FAM135A: variants seen among roughly 807,000 people sequenced by gnomAD.
The protein encoded by FAM135A is protein FAM135A.
In FAM135A, 79 loss-of-function variants were observed where a neutral mutation model predicts 146.8. That is an observed-to-expected ratio of 0.54 (90% CI 0.45 to 0.65). The LOEUF (loss-of-function observed/expected upper bound fraction) is 0.65. FAM135A is among the 30% of genes least tolerant of loss of function. The probability of loss-of-function intolerance (pLI) is 0.00; values close to 1 mark genes in which losing one functional copy is unlikely to be tolerated. For missense variants in FAM135A, 1,623 were observed against 1,758.2 expected (o/e 0.92, Z 1.38); for synonymous variants, 562 against 603.6 (o/e 0.93, Z 1.01).
intron 11 of FAM135A, among the ~76,000 whole-genome samples, chr6:70,495,012 C>T (rs1482939193): frequency 6.6e-6 from 1 of 152,114 alleles, no homozygotes; most frequent in Non-Finnish European, 1.5e-5. Flanking sequence ...CAAGTTTCAG[C>T]TTATGTCAGC....
rs138313494 is a variant in FAM135A at position 70,532,229 on chromosome 6, T to C, written c.3776-931T>C. 3.2e-3 allele frequency among the ~76,000 whole-genome samples: 489 copies of C among 152,304 alleles called. 3 individuals carry two copies. The highest frequency in any genetic ancestry group is 0.011 in the African/African-American group (459 of 41,570). The stretch of plus-strand genomic sequence containing the variant: ...CCTCAAACTAGATTCTGTTCAAACA[T>C]GTTATAACAAATTAGTATGTGTTTA... On this transcript the variant is annotated intron_variant, in intron 16 of 21. Coordinates refer to ENST00000418814, the MANE Select transcript of FAM135A (RefSeq NM_001162529.3).
intron 15 of FAM135A, among the ~76,000 whole-genome samples, chr6:70,527,562 T>C (rs1795001114): frequency 6.6e-6 from 1 of 152,136 alleles, no homozygotes; most frequent in Non-Finnish European, 1.5e-5. Flanking sequence ...AGCAATGATC[T>C]CTAATATAGA....
chr6:70,435,093 A>G (rs959023177), intron 4 of FAM135A, among the ~76,000 whole-genome samples: 11 of 118,834 alleles, frequency 9.3e-5, no homozygotes, highest in African/African-American at 2.9e-4. Flanking sequence ...ATATATATAT[A>G]TATATATATA....
intron 12 of FAM135A, chr6:70,503,731 A>G (rs987852487): frequency 6.6e-6 from 1 of 152,192 alleles, no homozygotes; most frequent in African/African-American, 2.4e-5. Flanking sequence ...ATTGAATTCT[A>G]TATAGATGAA....
intron 3 of FAM135A, 151 bp downstream of exon 3, chr6:70,426,683 G>A (rs1770224162): frequency 1.3e-5 from 2 of 152,206 alleles, no homozygotes; most frequent in Non-Finnish European, 2.9e-5. Flanking sequence ...CATGGATGTT[G>A]GCAGGACATG....
intron 4 of FAM135A, among the ~76,000 whole-genome samples, chr6:70,435,912 G>T (rs1405925115): frequency 6.6e-6 from 1 of 152,170 alleles, no homozygotes; most frequent in Non-Finnish European, 1.5e-5. Flanking sequence ...TGCCGGGTGT[G>T]GTGGCTCACG....
chr6:70,464,267 A>G (rs1450966653), intron 5 of FAM135A, among the ~76,000 whole-genome samples: 1 of 152,242 alleles, frequency 6.6e-6, no homozygotes, highest in African/African-American at 2.4e-5. Flanking sequence ...AAAACTATAG[A>G]TCTGAATGTT....
chr6:70,478,216 G>A (rs1782991699), intron 8 of FAM135A, among the ~76,000 whole-genome samples: 1 of 152,038 alleles, frequency 6.6e-6, no homozygotes, highest in Non-Finnish European at 1.5e-5. Context: ...AATGCATTGA[G>A]ATAATTATTT....
intron 2 of FAM135A, chr6:70,417,517 TC>T: frequency 2.6e-6 from 2 of 769,974 alleles, no homozygotes; most frequent in Non-Finnish European, 3.2e-6. Flanking sequence ...CTGGCTGTAG[TC>T]TGGGACATTT....
At chr6:70,423,329 T>C (rs1373353741) in intron 2 of FAM135A, among the ~76,000 whole-genome samples, 2 of 152,146 alleles carry the variant, frequency 1.3e-5, no homozygotes, top group African/African-American at 4.8e-5. Context: ...AAGCTGGTTT[T>C]TTGAAAATAG....
chr6:70,468,948 C>G (rs2128129859), intron 5 of FAM135A, among the ~76,000 whole-genome samples: 1 of 152,260 alleles, frequency 6.6e-6, no homozygotes, highest in South Asian at 2.1e-4. Context: ...GGGGAAAGAA[C>G]ACAGGAATCA....
intron 20 of FAM135A, among the ~76,000 whole-genome samples, chr6:70,554,666 C>T (rs769935252): frequency 2.0e-5 from 3 of 152,060 alleles, no homozygotes; most frequent in Admixed American, 6.6e-5. Flanking sequence ...TCTCTTTTGT[C>T]GCCCAGGCTG....
In FAM135A at chr6:70,524,463, G is replaced by C. The variant is rs1319961017; in HGVS notation, c.1379G>C (p.Arg460Thr). Residue 460 changes from arginine (R) to threonine (T), a missense_variant, in exon 15 of 22, where the codon AGA becomes ACA. This residue lies in a region of FAM135A where 1,061 missense variants were observed against 1,113.8 expected (regional missense o/e 0.95). Coordinates refer to ENST00000418814, the MANE Select transcript of FAM135A (RefSeq NM_001162529.3). ...CTTTCTAGCCCAGAGTTGAAAGTCA[G>C]ACCTGCTGGTGCCTCCAGTATTTGG... The part of the protein sequence containing the change: ...AGLSSPELKV[R>T]PAGASSIWYT... 3 of 1,550,898 alleles carry C rather than the reference G, an allele frequency of 1.9e-6. No homozygotes were observed. Among genetic ancestry groups the C allele is most frequent in the East Asian group, 4.9e-5 (2 of 40,904 alleles).
intron 20 of FAM135A, among the ~76,000 whole-genome samples, chr6:70,556,432 T>G (rs1458293197): frequency 1.3e-5 from 2 of 152,202 alleles, no homozygotes; most frequent in African/African-American, 4.8e-5. Flanking sequence ...TTTTGGAAGG[T>G]AAGAATGTCA....
chr6:70,556,501 A>G (rs1035773785), intron 20 of FAM135A, among the ~76,000 whole-genome samples: 3 of 152,186 alleles, frequency 2.0e-5, no homozygotes, highest in Non-Finnish European at 4.4e-5. Flanking sequence ...TCTCCACACC[A>G]CTGAGCAACA....
intron 15 of FAM135A, among the ~76,000 whole-genome samples, chr6:70,527,622 G>A (rs1468769045): frequency 1.3e-5 from 2 of 152,024 alleles, no homozygotes; most frequent in Non-Finnish European, 2.9e-5. Context: ...TGTTCATCAG[G>A]TTCCTCTTCC....
At chr6:70,557,967 A>T (rs1050430088) in intron 21 of FAM135A, among the ~76,000 whole-genome samples, 1 of 152,180 alleles carries the variant, frequency 6.6e-6, no homozygotes, top group East Asian at 1.9e-4. Flanking sequence ...GCTAGAGTCC[A>T]CCTAAGGAAA....
intron 4 of FAM135A, among the ~76,000 whole-genome samples, chr6:70,440,601 T>C (rs1300898456): frequency 6.6e-6 from 1 of 152,140 alleles, no homozygotes; most frequent in Non-Finnish European, 1.5e-5. Context: ...AGCAGGAGAA[T>C]TGCTTGAACC....
intron 5 of FAM135A, among the ~76,000 whole-genome samples, chr6:70,470,424 G>C (rs567850764): frequency 6.6e-6 from 1 of 151,980 alleles, no homozygotes; most frequent in African/African-American, 2.4e-5. Flanking sequence ...GCACAATCTC[G>C]GCTCACTCTG....
Sources: allele counts gnomAD v4.1 joint callset (sites outside exome capture counted in the v4.1 genomes callset), GRCh38; gene constraint gnomAD v4.1.1; regional missense constraint gnomAD v4.1.1; transcripts MANE v1.5; gene names NCBI Gene and HGNC (gene_info 2026-07-23, HGNC 2026-07-21).